Variants in CTNNA2 observed in about 807,000 individuals in gnomAD.
CTNNA2 encodes catenin alpha-2.
In CTNNA2, 42 loss-of-function variants were observed where a neutral mutation model predicts 101.0. The ratio of observed to expected loss-of-function variants is 0.42; its 90% CI spans 0.32 to 0.54. The LOEUF (loss-of-function observed/expected upper bound fraction) is 0.54, where lower values mean the gene tolerates loss of function less well. CTNNA2 is among the 20% of genes least tolerant of loss of function. The probability of loss-of-function intolerance (pLI) is 0.14; values close to 1 mark genes in which losing one functional copy is unlikely to be tolerated. For synonymous variants in CTNNA2, 450 were observed against 456.4 expected (o/e 0.99, Z 0.18); for missense variants, 871 against 1,223.1 (o/e 0.71, Z 4.29).
intron 2 of CTNNA2, among the ~76,000 whole-genome samples, chr2:79,693,325 GAAAATTTTTCAAA>G (rs1684442892): frequency 6.6e-6 from 1 of 151,882 alleles, no homozygotes. Flanking sequence ...ATTTTATTAT[GAAAATTTTTCAAA>G]ACTATGGAAA....
chr2:79,471,937 A>G (rs555051362), intron 4 of CTNNA2, among the ~76,000 whole-genome samples: 1 of 152,288 alleles, frequency 6.6e-6, no homozygotes, highest in South Asian at 2.1e-4. Context: ...TTCTTCTTAC[A>G]TGCAAAATAC....
intron 2 of CTNNA2, among the ~76,000 whole-genome samples, chr2:79,215,032 C>T (rs1284480423): frequency 1.3e-5 from 2 of 152,006 alleles, no homozygotes; most frequent in South Asian, 2.1e-4. Context: ...GCTCGGCGTC[C>T]GTGATGGTCT....
chr2:80,433,244 A>C (rs547108734), intron 9 of CTNNA2, among the ~76,000 whole-genome samples: 1 of 152,148 alleles, frequency 6.6e-6, no homozygotes, highest in South Asian at 2.1e-4. Flanking sequence ...TGTAAACACC[A>C]TGCCAGCCAG....
chr2:80,067,340 A>G (rs1012405073), intron 7 of CTNNA2, among the ~76,000 whole-genome samples: 1 of 151,410 alleles, frequency 6.6e-6, no homozygotes, highest in African/African-American at 2.4e-5. Flanking sequence ...ATATATTTCA[A>G]AACATCATGT....
At chr2:80,397,899 C>T (rs1435138280) in intron 8 of CTNNA2, among the ~76,000 whole-genome samples, 1 of 152,130 alleles carries the variant, frequency 6.6e-6, no homozygotes, top group African/African-American at 2.4e-5. Context: ...CTAATGCACT[C>T]TGGGAAATAC....
intron 7 of CTNNA2, among the ~76,000 whole-genome samples, chr2:79,944,698 C>T (rs1321325750): frequency 1.3e-5 from 2 of 152,148 alleles, no homozygotes; most frequent in African/African-American, 4.8e-5. Flanking sequence ...AACATCTAAG[C>T]ACATGAGGAG....
intron 4 of CTNNA2, among the ~76,000 whole-genome samples, chr2:79,461,225 T>C (rs977087463): frequency 6.6e-6 from 1 of 151,138 alleles, no homozygotes; most frequent in Non-Finnish European, 1.5e-5. Flanking sequence ...AGAGTTACTT[T>C]GTGAAACTTG....
chr2:79,288,790 G>A (rs1024553122), intron 2 of CTNNA2, among the ~76,000 whole-genome samples: 4 of 152,058 alleles, frequency 2.6e-5, no homozygotes, highest in Non-Finnish European at 5.9e-5. Context: ...ACAATCACAG[G>A]GTTTGCCATA....
chr2:79,690,739 C>T lies in CTNNA2; in HGVS notation c.102+39081C>T, dbSNP rs577853272. ...ACAGGTGGTGGAGCGAGGATTTACA[C>T]CCAGGCTGCAGAGGAAGTGGGGGCA... is the stretch of plus-strand genomic sequence containing the variant. On this transcript the variant is annotated intron_variant, in intron 2 of 18. Transcript: ENST00000402739. 2.0e-5 allele frequency among the ~76,000 whole-genome samples: 3 copies of T among 151,924 alleles called. No homozygotes were observed. The East Asian group carries it at 5.8e-4, about 29-fold the overall frequency.
intron 2 of CTNNA2, among the ~76,000 whole-genome samples, chr2:79,228,628 C>A (rs1365797333): frequency 6.6e-6 from 1 of 151,126 alleles, no homozygotes; most frequent in East Asian, 1.9e-4. Flanking sequence ...GATTTAAGTT[C>A]CTTGTAGATT....
chr2:79,717,841 T>C (rs1686207981), intron 2 of CTNNA2, among the ~76,000 whole-genome samples: 1 of 152,144 alleles, frequency 6.6e-6, no homozygotes, highest in Non-Finnish European at 1.5e-5. Context: ...AGAGAGTGAA[T>C]GCTGCTTCAT....
In CTNNA2 at chr2:80,327,376, G is replaced by A. The variant is rs141765696; in HGVS notation, c.1057-65835G>A. On this transcript the variant is annotated intron_variant, in intron 7 of 18. Transcript: ENST00000402739. ...ATTTGGTGGTCTGCAAATGCTACGT[G>A]GAGGGAACTCTTGCTAACTCATCCT... is the stretch of plus-strand genomic sequence containing the variant. Among the ~76,000 whole-genome samples the A allele has an allele frequency of 6.6e-5, 10 of 152,270 alleles. No individual in the cohort carries two copies. In the East Asian group the frequency reaches 1.9e-3, roughly 29 times the overall value.
At chr2:80,053,843 T>C (rs1697039975) in intron 7 of CTNNA2, among the ~76,000 whole-genome samples, 1 of 152,192 alleles carries the variant, frequency 6.6e-6, no homozygotes, top group East Asian at 1.9e-4. Flanking sequence ...TTCAGTGTGG[T>C]TAACTGTCAT....
At chr2:80,619,008 TC>T in intron 17 of CTNNA2, 76 bp from the exon 18 acceptor site, 1 of 1,048,862 alleles carries the variant, frequency 9.5e-7, no homozygotes, top group Non-Finnish European at 1.3e-6. Flanking sequence ...CCTAATCCCT[TC>T]CCAAGTAGGG....
rs1864547 is a variant in CTNNA2, at chr2:79,462,045, T to C, written c.-134-43009T>C. ...ATGTTAAATTTATTAATTTCAGTGATGAAGAATTTTACCGATATGAAAGGG... is the reference window on the plus strand; with the variant it reads ...ATGTTAAATTTATTAATTTCAGTGACGAAGAATTTTACCGATATGAAAGGG... On this transcript the variant is annotated intron_variant, in intron 4 of 21. Transcript: ENST00000466387. 4.6e-3 allele frequency among the ~76,000 whole-genome samples: 698 copies of C among 152,232 alleles called. 5 individuals are homozygous for C. Among genetic ancestry groups the C allele is most frequent in the Non-Finnish European group, 7.5e-3 (513 of 68,014 alleles).
intron 4 of CTNNA2, among the ~76,000 whole-genome samples, chr2:79,447,779 A>G (rs922053949): frequency 1.3e-5 from 2 of 152,070 alleles, no homozygotes; most frequent in African/African-American, 4.8e-5. Context: ...TCAGCTCACA[A>G]TAAATGACCA....
intron 9 of CTNNA2, among the ~76,000 whole-genome samples, chr2:80,520,867 T>TAAA (rs1689485532): frequency 1.3e-5 from 2 of 152,158 alleles, no homozygotes; most frequent in African/African-American, 4.8e-5. Context: ...AGTTTGTCAG[T>TAAA]AAAAAAGAGT....
intron 4 of CTNNA2, among the ~76,000 whole-genome samples, chr2:79,476,112 G>A (rs1171178109): frequency 2.0e-5 from 3 of 152,184 alleles, no homozygotes; most frequent in Non-Finnish European, 4.4e-5. Flanking sequence ...ATCACCCAGT[G>A]TCAAACCAGA....
chr2:79,748,137 A>C (rs924105415), intron 3 of CTNNA2, among the ~76,000 whole-genome samples: 2 of 152,100 alleles, frequency 1.3e-5, no homozygotes, highest in African/African-American at 4.8e-5. Flanking sequence ...ACAGCTCGTC[A>C]TTATGTAATC....
Sources: allele counts gnomAD v4.1 joint callset (sites outside exome capture counted in the v4.1 genomes callset), GRCh38; gene constraint gnomAD v4.1.1; transcripts MANE v1.5; gene names NCBI Gene and HGNC (gene_info 2026-07-23, HGNC 2026-07-21).